The following BDP1 variants were observed in gnomAD, a reference collection of about 807,000 sequenced individuals.
The protein encoded by BDP1 is transcription factor TFIIIB component B'' homolog.
Under a neutral mutation model 266.6 loss-of-function variants are expected in BDP1, and 169 were observed. The observed-to-expected ratio is 0.63, with a 90% CI of 0.56 to 0.72. The LOEUF is 0.72. Among genes scored for constraint, BDP1 ranks in the 30% least tolerant of loss-of-function variants. BDP1 has a pLI of 0.00. For synonymous variants in BDP1, 1,090 were observed against 1,022.4 expected (o/e 1.07, Z -1.26); for missense variants, 3,015 against 3,053.8 (o/e 0.99, Z 0.30).
Position 71,467,461 on chromosome 5 carries a change from A to G in BDP1, c.893A>G (p.Tyr298Cys), listed in dbSNP as rs553717499. 26 of 1,607,638 alleles carry G rather than the reference A, an allele frequency of 1.6e-5. No individual in the cohort carries two copies. The South Asian group carries it at 1.8e-4, about 11-fold the overall frequency. ...ACATACTCCAGCTTTAGGAAAAACT[A>G]TTACTCTAAACCATGGTCAAATAAA... is the stretch of plus-strand genomic sequence containing the variant. ...TTTYSSFRKNYYSKPWSNKET... is the reference protein window; with the variant it reads ...TTTYSSFRKNCYSKPWSNKET... Residue 298 changes from tyrosine to cysteine, a missense_variant, in exon 6 of 39, where the codon TAT (tyrosine) becomes TGT (cysteine). This residue lies in a region of BDP1 where 2,383 missense variants were observed against 2,404.9 expected (regional missense o/e 0.99). Transcript: ENST00000358731.
chr5:71,562,847 A>G (rs771502003), intron 38 of BDP1: 17 of 1,302,262 alleles, frequency 1.3e-5, no homozygotes, highest in Non-Finnish European at 1.6e-5. Flanking sequence ...CTGTAAAACT[A>G]GAATTTGTTC....
intron 6 of BDP1, among the ~76,000 whole-genome samples, chr5:71,469,780 A>AT (rs970035895): frequency 1.0e-3 from 143 of 137,370 alleles, no homozygotes; most frequent in Admixed American, 2.3e-3. Context: ...CGCCCAGCTC[A>AT]TTTTTTTTTT....
intron 7 of BDP1, among the ~76,000 whole-genome samples, chr5:71,472,758 A>G (rs1257505375): frequency 6.6e-6 from 1 of 152,120 alleles, no homozygotes; most frequent in Non-Finnish European, 1.5e-5. Flanking sequence ...GTTGAAGATC[A>G]GTATTATTCT....
intron 2 of BDP1, among the ~76,000 whole-genome samples, chr5:71,461,442 CA>C (rs75086006): frequency 1.7e-3 from 213 of 128,732 alleles, no homozygotes; most frequent in Middle Eastern, 0.012. Flanking sequence ...CCATCTCTAC[CA>C]AAAAAAAAAA....
intron 13 of BDP1, among the ~76,000 whole-genome samples, chr5:71,499,009 G>A (rs907723197): frequency 3.3e-5 from 5 of 152,082 alleles, no homozygotes; most frequent in African/African-American, 1.2e-4. Flanking sequence ...CAGGCATGAG[G>A]GCACCATGCC....
rs1401080214 is a variant in BDP1 at position 71,516,393 on chromosome 5, C to A, written c.4860+122C>A. ...TTATTCTACTCAATGAATACAGTTT[C>A]CAGTTTTGTTTCAGATTTGCTCTTC... is the stretch of plus-strand genomic sequence containing the variant. On this transcript the variant is annotated intron_variant, in intron 21 of 38. Coordinates refer to ENST00000358731, the MANE Select transcript of BDP1 (RefSeq NM_018429.3). 3.5e-5 allele frequency: 24 copies of A among 681,266 alleles called. No individual in the cohort carries two copies. The Admixed American group carries it at 8.4e-4, about 24-fold the overall frequency. 42.2% of individuals were successfully genotyped at this position (681,266 alleles called of 1,614,324 possible).
In BDP1 at chr5:71,542,025, A is replaced by G; in HGVS notation, c.6252-80A>G. On this transcript the variant is annotated intron_variant, in intron 29 of 38. Transcript: ENST00000358731. ...TGGCACCTAACAGGTCATTCACTCT[A>G]TCAGTGCTAGACAGACTGTATTAAT... 2.6e-6 allele frequency: 3 copies of G among 1,145,744 alleles called. No homozygotes were observed. The African/African-American group carries it at 4.6e-5, about 18-fold the overall frequency. The allele number at this position is 1,145,744 out of a possible 1,614,324, so 71.0% of individuals were successfully genotyped here.
chr5:71,508,157 G>T (rs1764685374), intron 16 of BDP1, among the ~76,000 whole-genome samples: 1 of 152,094 alleles, frequency 6.6e-6, no homozygotes, highest in South Asian at 2.1e-4. Context: ...TAGAGACAGG[G>T]TTTCATCATG....
intron 25 of BDP1, 52 bp from the exon 26 acceptor site, chr5:71,532,256 T>C: frequency 6.4e-7 from 1 of 1,555,540 alleles, no homozygotes; most frequent in Non-Finnish European, 8.8e-7. Flanking sequence ...TGAGGCTTTG[T>C]TTTGCTGTTT....
chr5:71,576,875 G>A, the BDP1 span, among the ~76,000 whole-genome samples: 4 of 151,754 alleles, frequency 2.6e-5, no homozygotes, highest in East Asian at 7.8e-4. Context: ...ATGGAAGGCA[G>A]CATTCCCATT....
At position 71,511,163 on chromosome 5, in the gene BDP1, T is replaced by A. The variant is rs1764898706; in HGVS notation, c.4059+12T>A. 6.3e-7 allele frequency: 1 copy of A among 1,583,748 alleles called. No homozygotes were observed. The highest frequency in any genetic ancestry group is 8.5e-7 in the Non-Finnish European group (1 of 1,170,548). On this transcript the variant is annotated intron_variant, in intron 17 of 38. Coordinates refer to ENST00000358731, the MANE Select transcript of BDP1 (RefSeq NM_018429.3). ...CACTAGATATTCAGGTATGTATTTT[T>A]CTGTCCTTTAAAAGTTTTTTGAATG...
chr5:71,513,185 C>T lies in BDP1; in HGVS notation c.4248C>T (p.Ser1416=). ...AGCTTGATAATCCTTGTTCCAAAAG[C>T]AAATCTCTTCCTCAAGAACAGAAGC... The part of the protein sequence containing the change: ...VPEQFSDINL[S]KSLPQEQKPL... The change falls in exon 19 of 39, where the codon AGC becomes AGT. Residue 1416 remains serine (S), a splice_region_variant and synonymous_variant. Transcript: ENST00000358731. 6.2e-7 allele frequency: 1 copy of T among 1,608,792 alleles called. No individual in the cohort carries two copies. Among genetic ancestry groups the T allele is most frequent in the East Asian group, 2.2e-5 (1 of 44,804 alleles).
In BDP1 at chr5:71,515,108, A is replaced by G. The variant is rs751555636; in HGVS notation, c.4635A>G (p.Ser1545=). The part of the protein sequence containing the change: ...SQSAPVQKND[S]VVSVGTNNVN... ...CAGCACCAGTCCAGAAAAATGACTC[A>G]GTTGTTTCTGTGGGGTAAACAGTGA... Residue 1545 remains serine (S), a synonymous_variant, in exon 20 of 39, where the codon TCA becomes TCG. Coordinates refer to ENST00000358731, the MANE Select transcript of BDP1 (RefSeq NM_018429.3). The G allele has an allele frequency of 6.3e-6, 10 of 1,596,042 alleles. No homozygotes were observed. The highest frequency in any genetic ancestry group is 7.7e-6 in the Non-Finnish European group (9 of 1,174,674).
intron 32 of BDP1, among the ~76,000 whole-genome samples, chr5:71,547,134 T>C (rs1457204608): frequency 6.6e-6 from 1 of 152,080 alleles, no homozygotes; most frequent in Admixed American, 6.6e-5. Flanking sequence ...ATTACAGGTG[T>C]GAGCCACCAC....
In BDP1 at chr5:71,513,232, C is replaced by A; in HGVS notation, c.4295C>A (p.Pro1432His). ...AAGCCACTTGAAATTAAACCAGCAC[C>A]TTTTGTGAGGAGCCGATTCAAAAGA... ...EQKPLEIKPA[P>H]FVRSRFKRPK... The change falls in exon 19 of 39, where the codon CCT becomes CAT. Residue 1432 changes from proline (P) to histidine (H), a missense_variant. Around this residue, in one of 3 missense-constraint regions of BDP1, gnomAD observed 2,383 missense variants for 2,404.9 expected, o/e 0.99. Coordinates refer to ENST00000358731, the MANE Select transcript of BDP1 (RefSeq NM_018429.3). 1 of 1,613,800 alleles carries A rather than the reference C, an allele frequency of 6.2e-7. No homozygotes were observed. The highest frequency in any genetic ancestry group is 8.5e-7 in the Non-Finnish European group (1 of 1,179,998).
downstream of BDP1, among the ~76,000 whole-genome samples, chr5:71,569,557 G>T (rs145600383): frequency 1.3e-4 from 19 of 151,794 alleles, no homozygotes; most frequent in East Asian, 3.7e-3. Flanking sequence ...GACTAGCCTG[G>T]GCAACATGGC....
intron 13 of BDP1, among the ~76,000 whole-genome samples, chr5:71,498,205 C>T (rs1388355451): frequency 2.6e-5 from 4 of 152,144 alleles, no homozygotes; most frequent in Non-Finnish European, 5.9e-5. Context: ...CTGCTTTGGC[C>T]TCCCAAAGTG....
intron 27 of BDP1, 134 bp from the exon 28 acceptor site, chr5:71,539,423 T>G: frequency 3.1e-6 from 2 of 650,916 alleles, no homozygotes; most frequent in South Asian, 2.0e-5. Context: ...AAGACTACCT[T>G]AGTAAGGGAT....
At chr5:71,501,991 T>G (rs1764268250) in intron 14 of BDP1, among the ~76,000 whole-genome samples, 1 of 152,190 alleles carries the variant, frequency 6.6e-6, no homozygotes, top group Non-Finnish European at 1.5e-5. Flanking sequence ...TGGTGGATTC[T>G]GGGCTCTTCC....
Sources: gnomAD v4.1 joint callset for allele counts (sites outside exome capture counted in the v4.1 genomes callset) on GRCh38, gnomAD v4.1.1 for gene constraint, gnomAD v4.1.1 regional missense constraint, MANE v1.5 for transcripts, NCBI Gene and HGNC (gene_info 2026-07-23, HGNC 2026-07-21) for gene names.